CDH19: variants seen among roughly 807,000 people sequenced by gnomAD.
CDH19 encodes cadherin 19.
A neutral mutation model predicts 64.2 loss-of-function variants in CDH19; 67 were observed. The ratio of observed to expected loss-of-function variants is 1.04; its 90% CI spans 0.86 to 1.28. The LOEUF (loss-of-function observed/expected upper bound fraction) is 1.28. CDH19 is among the 50% of genes most tolerant of loss of function. The pLI, the probability that CDH19 is intolerant of heterozygous loss-of-function variation, is 0.00. For synonymous variants in CDH19, 346 were observed against 319.3 expected, an observed-to-expected ratio of 1.08 and a Z score of -0.89; for missense variants, 1,030 against 929.0, an observed-to-expected ratio of 1.11 and a Z score of -1.41.
chr18:66,506,718 C>A (rs930022492), intron 11 of CDH19, among the ~76,000 whole-genome samples: 2 of 151,492 alleles, frequency 1.3e-5, no homozygotes, highest in African/African-American at 4.8e-5. Context: ...TCAAGGATAA[C>A]CAAGAGCCAA....
At chr18:66,512,541 T>C (rs1437103804) in intron 9 of CDH19, among the ~76,000 whole-genome samples, 4 of 151,492 alleles carry the variant, frequency 2.6e-5, no homozygotes, top group Non-Finnish European at 5.9e-5. Flanking sequence ...ATTTATATTA[T>C]ACTTCAAAAA....
intron 1 of CDH19, among the ~76,000 whole-genome samples, chr18:66,600,910 G>A (rs1989021443): frequency 6.6e-6 from 1 of 151,808 alleles, no homozygotes; most frequent in Admixed American, 6.6e-5. Context: ...GTGTTATTTA[G>A]AAGAAGGGGA....
intron 3 of CDH19, among the ~76,000 whole-genome samples, chr18:66,557,689 A>G (rs1307816104): frequency 2.0e-5 from 3 of 151,980 alleles, no homozygotes; most frequent in African/African-American, 7.2e-5. Flanking sequence ...AGGACTATCA[A>G]TGAGTATTAA....
chr18:66,519,218 T>A (rs539434566), intron 9 of CDH19, among the ~76,000 whole-genome samples: 13 of 152,296 alleles, frequency 8.5e-5, no homozygotes, highest in African/African-American at 3.1e-4. Flanking sequence ...CTAATTCAAA[T>A]CTCTTTAGAA....
At chr18:66,561,993 T>G (rs1301041275) in intron 3 of CDH19, among the ~76,000 whole-genome samples, 1 of 151,976 alleles carries the variant, frequency 6.6e-6, no homozygotes, top group African/African-American at 2.4e-5. Flanking sequence ...AAAAATAAGT[T>G]CAACACAATA....
intron 7 of CDH19, among the ~76,000 whole-genome samples, chr18:66,540,286 A>G (rs1986838535): frequency 6.6e-6 from 1 of 152,058 alleles, no homozygotes; most frequent in African/African-American, 2.4e-5. Context: ...ATAATACACC[A>G]TCTTTCTCAT....
Position 66,568,679 on chromosome 18 carries a change from G to C in CDH19, c.227C>G (p.Ser76Cys). ...AGCTCCCAAAAGCTTGTACTGGAAA[G>C]AATTGTTTCCATTGTCTAAATCAGA... ...LRSDLDNGNN[S>C]FQYKLLGAGA... Residue 76 changes from serine (S) to cysteine (C), a missense_variant, in exon 3 of 12, where the codon TCT (serine) becomes TGT (cysteine). Coordinates refer to ENST00000262150, the MANE Select transcript of CDH19 (RefSeq NM_021153.4). The C allele has an allele frequency of 6.2e-7, 1 of 1,609,624 alleles. No homozygotes were observed. The highest frequency in any genetic ancestry group is 8.5e-7 in the Non-Finnish European group (1 of 1,178,312).
At chr18:66,534,362 G>C (rs775110107) in intron 8 of CDH19, among the ~76,000 whole-genome samples, 5 of 151,794 alleles carry the variant, frequency 3.3e-5, no homozygotes, top group Non-Finnish European at 5.9e-5. Flanking sequence ...CATATCACCT[G>C]CCATCTGCCT....
intron 7 of CDH19, 105 bp downstream of exon 7, chr18:66,543,866 G>A (rs1226805336): frequency 2.4e-6 from 2 of 819,124 alleles, no homozygotes; most frequent in East Asian, 5.5e-5. Context: ...CTAGAAGACA[G>A]AGTGAGACTC....
At chr18:66,524,138 T>G (rs1362995487) in intron 9 of CDH19, among the ~76,000 whole-genome samples, 1 of 152,326 alleles carries the variant, frequency 6.6e-6, no homozygotes, top group East Asian at 1.9e-4. Flanking sequence ...TTCTTTGTCC[T>G]TTTTATAATT....
chr18:66,506,863 C>T (rs778534610), intron 11 of CDH19, among the ~76,000 whole-genome samples: 1 of 151,754 alleles, frequency 6.6e-6, no homozygotes, highest in African/African-American at 2.4e-5. Flanking sequence ...TTTAAAATAT[C>T]TAAATTAAAT....
chr18:66,539,789 T>A (rs895293316), intron 7 of CDH19, among the ~76,000 whole-genome samples: 4 of 151,904 alleles, frequency 2.6e-5, no homozygotes, highest in Admixed American at 1.3e-4. Flanking sequence ...TCTTTTTTTA[T>A]GAAGCTATTT....
chr18:66,512,971 T>C (rs779485937), intron 9 of CDH19, among the ~76,000 whole-genome samples: 3 of 151,556 alleles, frequency 2.0e-5, no homozygotes, highest in Non-Finnish European at 4.4e-5. Flanking sequence ...TGTGTTCCTA[T>C]GTCTATTATG....
intron 5 of CDH19, among the ~76,000 whole-genome samples, chr18:66,550,056 T>C (rs1172243192): frequency 6.6e-6 from 1 of 152,162 alleles, no homozygotes; most frequent in Non-Finnish European, 1.5e-5. Context: ...AAACAATCAA[T>C]AACTAAGAAA....
At chr18:66,560,511 A>T (rs753742738) in intron 3 of CDH19, among the ~76,000 whole-genome samples, 13 of 152,194 alleles carry the variant, frequency 8.5e-5, no homozygotes, top group Middle Eastern at 6.8e-3. Flanking sequence ...TAAATATTAG[A>T]ACAATAAAAC....
chr18:66,558,686 G>A (rs571221911), intron 3 of CDH19, among the ~76,000 whole-genome samples: 6 of 151,982 alleles, frequency 3.9e-5, no homozygotes, highest in South Asian at 2.1e-4. Flanking sequence ...TAGTTTTATC[G>A]TCCACATAAA....
intron 9 of CDH19, among the ~76,000 whole-genome samples, chr18:66,526,754 T>C (rs755679574): frequency 3.9e-5 from 6 of 151,990 alleles, no homozygotes; most frequent in Non-Finnish European, 5.9e-5. Flanking sequence ...TTAAAAGACA[T>C]GTAATTTGAA....
chr18:66,509,075 T>C lies in CDH19; in HGVS notation c.1748A>G (p.Gln583Arg), dbSNP rs1397542018. 1 of 1,612,910 alleles carries C rather than the reference T, an allele frequency of 6.2e-7. No individual in the cohort carries two copies. Among genetic ancestry groups the C allele is most frequent in the Admixed American group, 1.7e-5 (1 of 59,828 alleles). ...CGDSGSTQTC[Q>R]YQELVLSMGF... The stretch of plus-strand genomic sequence containing the variant: ...CATGGAAAGCACAAGCTCCTGGTAC[T>C]GGCAGGTCTGTGTGCTCCCACTGTC... The change falls in exon 11 of 12, where the codon CAG becomes CGG. Residue 583 changes from glutamine to arginine, a missense_variant. Physicochemically the swap from Gln to Arg is conservative, Grantham distance 43 (BLOSUM62 1). Coordinates refer to ENST00000262150, the MANE Select transcript of CDH19 (RefSeq NM_021153.4).
intron 8 of CDH19, among the ~76,000 whole-genome samples, chr18:66,533,852 C>T (rs1986552078): frequency 6.6e-6 from 1 of 151,874 alleles, no homozygotes; most frequent in African/African-American, 2.4e-5. Context: ...ATGTAATGCC[C>T]TGTTTTCCAC....
Sources: allele counts gnomAD v4.1 joint callset (sites outside exome capture counted in the v4.1 genomes callset), GRCh38; gene constraint gnomAD v4.1.1; transcripts MANE v1.5; gene names NCBI Gene and HGNC (gene_info 2026-07-23, HGNC 2026-07-21).